The following SPNS3 variants were observed in gnomAD, a reference collection of about 807,000 sequenced individuals.
SPNS3 encodes the protein protein spinster homolog 3.
In SPNS3, 51 loss-of-function variants were observed where a neutral mutation model predicts 54.4. The ratio of observed to expected loss-of-function variants is 0.94; its 90% confidence interval spans 0.75 to 1.18. SPNS3 has a LOEUF of 1.18. SPNS3 is among the 50% of genes most tolerant of loss of function. The pLI is 0.00. For synonymous variants in SPNS3, 309 were observed against 294.7 expected (o/e 1.05, Z -0.50); for missense variants, 669 against 677.4 (o/e 0.99, Z 0.14).
chr17:4,444,699 T>C (rs1377901617), intron 2 of SPNS3, among the ~76,000 whole-genome samples: 1 of 152,110 alleles, frequency 6.6e-6, no homozygotes, highest in Non-Finnish European at 1.5e-5. Context: ...TGGCATCTGC[T>C]CCATGCCTGA....
chr17:4,486,308 C>A lies in SPNS3; in HGVS notation c.1260C>A (p.Ser420Arg), dbSNP rs777083369. Reference sequence around the variant, plus strand: ...GCCACATCCTGGGAGACGCTGGCAGCCCCTATCTCACAGGACTTGTAAGAC... The same window carrying A: ...GCCACATCCTGGGAGACGCTGGCAGACCCTATCTCACAGGACTTGTAAGAC... ...TVGHILGDAG[S>R]PYLTGLISSV... Residue 420 changes from serine (S) to arginine (R), a missense_variant, in exon 10 of 12, where the codon AGC (serine) becomes AGA (arginine). By Grantham distance (110) the Ser-to-Arg change is moderately radical. Transcript: ENST00000355530. The surrounding 1 kb of genome is among the most constrained non-coding windows in gnomAD (Gnocchi z 5.5). 2 of 1,597,982 alleles carry A rather than the reference C, an allele frequency of 1.3e-6. No individual in the cohort carries two copies. Among genetic ancestry groups the A allele is most frequent in the Non-Finnish European group, 1.7e-6 (2 of 1,174,378 alleles).
At chr17:4,439,894 G>T (rs1335143669) in intron 2 of SPNS3, among the ~76,000 whole-genome samples, 171 bp downstream of exon 2, 1 of 152,154 alleles carries the variant, frequency 6.6e-6, no homozygotes, top group Non-Finnish European at 1.5e-5. Flanking sequence ...AGAGAGCCTG[G>T]GCTGGAACAG....
At chr17:4,445,389 T>A (rs905144608) in intron 3 of SPNS3, among the ~76,000 whole-genome samples, 9 of 151,806 alleles carry the variant, frequency 5.9e-5, no homozygotes, top group African/African-American at 2.2e-4. Context: ...TTTTTTTTTT[T>A]TTTGAGACAG....
intron 8 of SPNS3, among the ~76,000 whole-genome samples, chr17:4,471,018 G>A (rs944118886): frequency 1.3e-5 from 2 of 152,050 alleles, no homozygotes; most frequent in Non-Finnish European, 1.5e-5. Flanking sequence ...TCTGCCTCCC[G>A]GGTTCAAACA....
chr17:4,475,019 G>T (rs1035559044), intron 8 of SPNS3, among the ~76,000 whole-genome samples: 1 of 152,170 alleles, frequency 6.6e-6, no homozygotes, highest in East Asian at 1.9e-4. Context: ...TCGGCTGTGC[G>T]TGTGTCTGGG....
intron 3 of SPNS3, 151 bp downstream of exon 3, chr17:4,445,319 G>T: frequency 1.2e-6 from 1 of 808,518 alleles, no homozygotes; most frequent in Non-Finnish European, 1.9e-6. Flanking sequence ...GGGAGAGAAG[G>T]TGAGAGCACA....
At position 4,449,235 on chromosome 17, in the gene SPNS3, C is replaced by A; in HGVS notation, c.771C>A (p.Asn257Lys). 2 of 1,610,264 alleles carry A rather than the reference C, an allele frequency of 1.2e-6. No homozygotes were observed. The highest frequency in any genetic ancestry group is 1.7e-6 in the Non-Finnish European group (2 of 1,179,590). Reference protein sequence around the residue: ...WCEDVRYLGKNWSFVWSTLGV... With the variant: ...WCEDVRYLGKKWSFVWSTLGV... ...CCAGCTGGGGCACCTCGTCTTGCAG[C>A]TGGAGTTTCGTGTGGTCGACCCTCG... Residue 257 changes from asparagine to lysine, a missense_variant and splice_region_variant, in exon 7 of 12, where the codon AAC (asparagine) becomes AAA (lysine). By Grantham distance (94) the Asn-to-Lys change is moderately conservative. Transcript: ENST00000355530.
At chr17:4,461,370 T>C (rs1446337730) in intron 8 of SPNS3, among the ~76,000 whole-genome samples, 33 of 124,874 alleles carry the variant, frequency 2.6e-4, no homozygotes, top group African/African-American at 1.0e-3. Flanking sequence ...TCTTTTTTTT[T>C]TTTTTTTTTT....
At position 4,486,263 on chromosome 17, in the gene SPNS3, G is replaced by A. The variant is rs751770655; in HGVS notation, c.1215G>A (p.Glu405=). The change falls in exon 10 of 12, where the codon GAG becomes GAA. Residue 405 remains glutamate (E), a synonymous_variant. Coordinates refer to ENST00000355530, the MANE Select transcript of SPNS3 (RefSeq NM_182538.5). The surrounding 1 kb of genome is among the most constrained non-coding windows in gnomAD (Gnocchi z 5.5). ...VVVPRCRGTA[E]ALQITVGHIL... is the part of the protein sequence containing the mutation. ...TGCCCAGATGCCGGGGGACGGCAGA[G>A]GCACTTCAGATCACGGTGGGCCACA... The A allele has an allele frequency of 3.8e-6, 6 of 1,581,802 alleles. No homozygotes were observed. The African/African-American group carries it at 6.8e-5, about 18-fold the overall frequency.
chr17:4,454,189 T>C (rs56063404), intron 8 of SPNS3, among the ~76,000 whole-genome samples: 11,129 of 152,286 alleles, frequency 0.073, 423 homozygotes, highest in Middle Eastern at 0.13. Context: ...ATGGGGCCTG[T>C]CCACAGACAG....
chr17:4,454,461 A>G (rs1971250381), intron 8 of SPNS3, among the ~76,000 whole-genome samples: 1 of 152,352 alleles, frequency 6.6e-6, no homozygotes, highest in East Asian at 1.9e-4. Context: ...TTGGAAAAGT[A>G]AACCAGCCAC....
chr17:4,485,904 C>A (rs1020459198), intron 9 of SPNS3, among the ~76,000 whole-genome samples: 2 of 152,212 alleles, frequency 1.3e-5, no homozygotes, highest in Non-Finnish European at 2.9e-5. Flanking sequence ...GCATCCTGGG[C>A]CCCTGAGCTG....
intron 2 of SPNS3, among the ~76,000 whole-genome samples, chr17:4,440,276 T>C (rs1970816171): frequency 6.6e-6 from 1 of 152,160 alleles, no homozygotes; most frequent in African/African-American, 2.4e-5. Context: ...TTTTCCCTTG[T>C]GGGTGCCTGG....
intron 2 of SPNS3, among the ~76,000 whole-genome samples, chr17:4,441,561 G>A (rs1233442314): frequency 6.6e-6 from 1 of 152,018 alleles, no homozygotes; most frequent in African/African-American, 2.4e-5. Flanking sequence ...ATAGATAATG[G>A]TGGTTTAGTC....
chr17:4,447,322 G>T (rs180997382), intron 5 of SPNS3, among the ~76,000 whole-genome samples: 2 of 152,346 alleles, frequency 1.3e-5, no homozygotes, highest in African/African-American at 4.8e-5. Context: ...CAGGGTCAGG[G>T]TGTAGAGTAG....
intron 7 of SPNS3, among the ~76,000 whole-genome samples, chr17:4,450,057 G>C (rs550850812): frequency 6.7e-6 from 1 of 149,654 alleles, no homozygotes; most frequent in Non-Finnish European, 1.5e-5. Context: ...CCTTCACCCC[G>C]GCCTCCTCCC....
At chr17:4,462,024 G>A (rs1406224521) in intron 8 of SPNS3, among the ~76,000 whole-genome samples, 2 of 151,924 alleles carry the variant, frequency 1.3e-5, no homozygotes. Context: ...AGGGTGCTGA[G>A]GAATTGGCTT....
Position 4,469,994 on chromosome 17 carries a change from ATT to A in SPNS3, c.1114-8576_1114-8575del, listed in dbSNP as rs1971813189. On this transcript the variant is annotated intron_variant, in intron 8 of 11. Transcript: ENST00000355530. ...CACATTTTGGCCTTTTTGCTTCTAT[ATT>A]TGTTATTTAATTAGGTAACCGTCAT... Among the ~76,000 whole-genome samples, 3 of 152,238 alleles carry A rather than the reference ATT, an allele frequency of 2.0e-5. No homozygotes were observed. The South Asian group carries it at 6.2e-4, about 32-fold the overall frequency.
chr17:4,458,138 C>T (rs981879985), intron 8 of SPNS3, among the ~76,000 whole-genome samples: 3 of 151,814 alleles, frequency 2.0e-5, no homozygotes, highest in Non-Finnish European at 4.4e-5. Flanking sequence ...CCAGGCCTAC[C>T]CTCCTCTCCG....
Sources: allele counts gnomAD v4.1 joint callset (sites outside exome capture counted in the v4.1 genomes callset), GRCh38; gene constraint gnomAD v4.1.1; non-coding constraint Gnocchi (gnomAD v3.1); transcripts MANE v1.5; gene names NCBI Gene and HGNC (gene_info 2026-07-23, HGNC 2026-07-21).